Variants in TMEM132D observed in about 807,000 individuals in gnomAD.
The protein encoded by TMEM132D is mature OL transmembrane protein.
A neutral mutation model predicts 62.3 loss-of-function variants in TMEM132D; 21 were observed. The observed-to-expected ratio is 0.34, with a 90% CI of 0.24 to 0.49. The LOEUF (loss-of-function observed/expected upper bound fraction) is 0.49. TMEM132D is among the 20% of genes least tolerant of loss of function. TMEM132D has a pLI of 0.99. For synonymous variants in TMEM132D, 621 were observed against 575.6 expected (o/e 1.08, Z -1.13); for missense variants, 1,346 against 1,402.8 (o/e 0.96, Z 0.65).
intron 3 of TMEM132D, among the ~76,000 whole-genome samples, chr12:129,410,855 CATG>C (rs1420544132): frequency 2.0e-5 from 3 of 152,188 alleles, no homozygotes. Context: ...TTGACACCTT[CATG>C]ATATTAAGAC....
At chr12:129,493,930 G>A (rs745456667) in intron 3 of TMEM132D, among the ~76,000 whole-genome samples, 13 of 152,354 alleles carry the variant, frequency 8.5e-5, no homozygotes, top group Non-Finnish European at 1.3e-4. Context: ...CTCAAACTGT[G>A]CTGTGTTGTG....
intron 1 of TMEM132D, among the ~76,000 whole-genome samples, chr12:129,717,184 C>T (rs992929692): frequency 5.3e-5 from 8 of 152,184 alleles, no homozygotes; most frequent in African/African-American, 1.7e-4. Context: ...AAGGGAAGCA[C>T]ACCCGTCTTA....
intron 2 of TMEM132D, among the ~76,000 whole-genome samples, chr12:129,674,958 T>C (rs950788937): frequency 1.3e-5 from 2 of 152,240 alleles, no homozygotes; most frequent in Admixed American, 6.5e-5. Context: ...GTTTTCAGCA[T>C]GTATGTTTTG....
At chr12:129,875,681 T>C (rs1874396908) in intron 1 of TMEM132D, among the ~76,000 whole-genome samples, 1 of 152,104 alleles carries the variant, frequency 6.6e-6, no homozygotes. Context: ...GAGGCTGGCT[T>C]GGGGATTTGG....
intron 4 of TMEM132D, among the ~76,000 whole-genome samples, chr12:129,309,890 G>GT: frequency 6.6e-6 from 1 of 152,104 alleles, no homozygotes; most frequent in Non-Finnish European, 1.5e-5. Flanking sequence ...CCATGGTAGA[G>GT]TCGTCCTCTG....
At chr12:129,268,141 A>G (rs1402996871) in intron 4 of TMEM132D, among the ~76,000 whole-genome samples, 3 of 152,252 alleles carry the variant, frequency 2.0e-5, no homozygotes, top group African/African-American at 7.2e-5. Flanking sequence ...CTTCAAGTCT[A>G]AAACACCAAA....
chr12:129,249,508 G>A (rs1305288122), intron 4 of TMEM132D, among the ~76,000 whole-genome samples: 1 of 152,136 alleles, frequency 6.6e-6, no homozygotes, highest in Non-Finnish European at 1.5e-5. Context: ...CAGGTACTTG[G>A]GTGACAGTTG....
At chr12:129,370,529 G>C (rs758495671) in intron 3 of TMEM132D, among the ~76,000 whole-genome samples, 12 of 152,160 alleles carry the variant, frequency 7.9e-5, no homozygotes, top group Non-Finnish European at 1.8e-4. Flanking sequence ...TTAGGTTCCA[G>C]CCTTAGTGTT....
intron 3 of TMEM132D, among the ~76,000 whole-genome samples, chr12:129,443,523 C>T (rs1211711019): frequency 1.3e-5 from 2 of 152,102 alleles, no homozygotes. Context: ...TCTCCATCTC[C>T]CTCCCTCCCA....
At chr12:129,145,784 C>A (rs572382497) in intron 5 of TMEM132D, among the ~76,000 whole-genome samples, 1 of 152,256 alleles carries the variant, frequency 6.6e-6, no homozygotes, top group East Asian at 1.9e-4. Context: ...TTATTAAAGT[C>A]TCATTAACAA....
intron 4 of TMEM132D, chr12:129,262,651 A>C (rs1880580631): frequency 6.6e-6 from 1 of 152,248 alleles, no homozygotes; most frequent in Admixed American, 6.5e-5. Flanking sequence ...TCCAACTTTT[A>C]AAACAAGGCA....
At chr12:129,376,531 C>T (rs901415001) in intron 3 of TMEM132D, among the ~76,000 whole-genome samples, 2 of 152,144 alleles carry the variant, frequency 1.3e-5, no homozygotes, top group Non-Finnish European at 2.9e-5. Context: ...AGACACAATT[C>T]AAGATGAGAT....
chr12:129,270,045 G>A (rs1271333133), intron 4 of TMEM132D, among the ~76,000 whole-genome samples: 3 of 152,188 alleles, frequency 2.0e-5, no homozygotes, highest in Non-Finnish European at 2.9e-5. Context: ...GGCCGAGGAC[G>A]AAGGGGTCTC....
intron 5 of TMEM132D, among the ~76,000 whole-genome samples, chr12:129,086,832 A>G (rs2135622176): frequency 6.6e-6 from 1 of 151,958 alleles, no homozygotes; most frequent in African/African-American, 2.4e-5. Context: ...ACATGAGTGC[A>G]GGTATTTTTT....
Position 129,527,252 on chromosome 12 carries a change from T to C in TMEM132D, c.1115+3807A>G, listed in dbSNP as rs570164297. On this transcript the variant is annotated intron_variant, in intron 3 of 8. Coordinates refer to ENST00000422113, the MANE Select transcript of TMEM132D (RefSeq NM_133448.3). ...TGAACCCAGGAGGCAGAGGCTGCAG[T>C]GAGCCAAGATCGCACCACTGCACTC... Among the ~76,000 whole-genome samples the C allele has an allele frequency of 2.6e-5, 4 of 152,298 alleles. No individual in the cohort carries two copies. In the East Asian group the frequency reaches 5.8e-4, roughly 22 times the overall value.
At chr12:129,766,921 C>G (rs1018753527) in intron 1 of TMEM132D, among the ~76,000 whole-genome samples, 3 of 152,158 alleles carry the variant, frequency 2.0e-5, no homozygotes, top group African/African-American at 7.2e-5. Context: ...CGGAAGTTAC[C>G]ACCCATTTTC....
At chr12:129,206,659 T>A (rs575811737) in intron 5 of TMEM132D, among the ~76,000 whole-genome samples, 1 of 152,318 alleles carries the variant, frequency 6.6e-6, no homozygotes, top group African/African-American at 2.4e-5. Context: ...ACGCGAATGT[T>A]CATTGCTACA....
chr12:129,787,681 A>C (rs902482537), intron 1 of TMEM132D, among the ~76,000 whole-genome samples: 1 of 152,174 alleles, frequency 6.6e-6, no homozygotes, highest in Non-Finnish European at 1.5e-5. Context: ...AGTTCATATC[A>C]GCTCCCTCCC....
At chr12:129,153,896 G>A (rs1262262304) in intron 5 of TMEM132D, among the ~76,000 whole-genome samples, 6 of 152,142 alleles carry the variant, frequency 3.9e-5, no homozygotes, top group South Asian at 2.1e-4. Flanking sequence ...CTCCAGAAGC[G>A]CACTGATCAG....
Sources: allele counts gnomAD v4.1 joint callset (sites outside exome capture counted in the v4.1 genomes callset), GRCh38; gene constraint gnomAD v4.1.1; transcripts MANE v1.5; gene names NCBI Gene and HGNC (gene_info 2026-07-23, HGNC 2026-07-21).